The following POLR3F variants were observed in gnomAD, a reference collection of about 807,000 sequenced individuals.
The protein encoded by POLR3F is RNA polymerase III subunit F, also known as DNA-directed RNA polymerase III subunit RPC6.
In POLR3F, 31 loss-of-function variants were observed where a neutral mutation model predicts 43.6. The ratio of observed to expected loss-of-function variants is 0.71; its 90% CI spans 0.53 to 0.96. POLR3F has a LOEUF of 0.96. POLR3F is among the 40% of genes least tolerant of loss of function. The pLI, the probability that POLR3F is intolerant of heterozygous loss-of-function variation, is 0.00. For missense variants in POLR3F, 316 were observed against 391.7 expected (o/e 0.81, Z 1.63); for synonymous variants, 114 against 132.5 (o/e 0.86, Z 0.96).
chr20:18,479,968 A>G, intron 5 of POLR3F, 70 bp from the exon 6 acceptor site: 1 of 1,159,856 alleles, frequency 8.6e-7, no homozygotes, highest in Non-Finnish European at 1.2e-6. Context: ...AACTGTTCCA[A>G]AATATAGGTG....
intron 1 of POLR3F, 139 bp from the exon 2 acceptor site, chr20:18,468,805 C>A: frequency 1.6e-6 from 1 of 610,288 alleles, no homozygotes; most frequent in South Asian, 2.1e-5. Context: ...ATGCTTTGAT[C>A]CAAAACCATC....
At position 18,477,094 on chromosome 20, in the gene POLR3F, AAAC is replaced by A. The variant is rs201902023; in HGVS notation, c.429+1909_429+1911del. ...ATCTCAAAAAAAGAAAAAAAAAAAAAAACACACAATGAAAACAAATAATCCAAC... is the reference window on the plus strand; with the variant it reads ...ATCTCAAAAAAAGAAAAAAAAAAAAAACACAATGAAAACAAATAATCCAAC... On this transcript the variant is annotated intron_variant, in intron 5 of 8. Coordinates refer to ENST00000377603, the MANE Select transcript of POLR3F (RefSeq NM_006466.4). Among the ~76,000 whole-genome samples, 1,024 of 151,938 alleles carry A rather than the reference AAAC, an allele frequency of 6.7e-3. 14 individuals carry two copies. The highest frequency in any genetic ancestry group is 0.023 in the African/African-American group (967 of 41,384).
In POLR3F at chr20:18,483,490, G is replaced by T; in HGVS notation, c.883G>T (p.Asp295Tyr). The change falls in exon 9 of 9, where the codon GAC (aspartate) becomes TAC (tyrosine). Residue 295 changes from aspartate to tyrosine, a missense_variant. Asp to Tyr is a radical substitution (Grantham distance 160). This residue lies in a region of POLR3F where 85 missense variants were observed against 80.2 expected (regional missense o/e 1.06). Coordinates refer to ENST00000377603, the MANE Select transcript of POLR3F (RefSeq NM_006466.4). Reference protein sequence around the residue: ...APCGLCPVFDDCHEGGEISPS... With the variant: ...APCGLCPVFDYCHEGGEISPS... Reference sequence around the variant, plus strand: ...TTTTTCTTTTTTAAAGGTTTTTGATGACTGCCACGAAGGTGGTGAGATTTC... The same window carrying T: ...TTTTTCTTTTTTAAAGGTTTTTGATTACTGCCACGAAGGTGGTGAGATTTC... 6.7e-7 allele frequency: 1 copy of T among 1,503,648 alleles called. No homozygotes were observed. Among genetic ancestry groups the T allele is most frequent in the South Asian group, 1.2e-5 (1 of 80,940 alleles). The allele number at this position is 1,503,648 out of a possible 1,614,324, so 93.1% of individuals were successfully genotyped here.
intron 5 of POLR3F, among the ~76,000 whole-genome samples, chr20:18,479,837 A>G (rs530456676): frequency 5.9e-5 from 9 of 152,326 alleles, no homozygotes; most frequent in African/African-American, 1.4e-4. Flanking sequence ...TGATTTATCA[A>G]TATTAGTTCA....
At chr20:18,477,555 AG>A (rs1380428900) in intron 5 of POLR3F, among the ~76,000 whole-genome samples, 1 of 152,246 alleles carries the variant, frequency 6.6e-6, no homozygotes, top group Non-Finnish European at 1.5e-5. Flanking sequence ...GAAGCAACCA[AG>A]GTATCCTTCA....
chr20:18,481,509 G>C, intron 7 of POLR3F, 110 bp from the exon 8 acceptor site: 2 of 739,780 alleles, frequency 2.7e-6, no homozygotes, highest in Non-Finnish European at 4.7e-6. Context: ...AAAGTGCTGG[G>C]ATTACAGGCG....
chr20:18,475,626 TCCTGCCCCACC>T (rs2059775980), intron 5 of POLR3F, among the ~76,000 whole-genome samples: 1 of 152,158 alleles, frequency 6.6e-6, no homozygotes, highest in Admixed American at 6.5e-5. Context: ...CTGCTCCTCA[TCCTGCCCCACC>T]CCTGCTCCAG....
Position 18,483,740 on chromosome 20 carries a change from C to A in POLR3F, c.*182C>A. ...GACTAAATTTATATTGGTAAAATAGCCAGTAGAATATGAAAGAAATAAGGT... is the reference window on the plus strand; with the variant it reads ...GACTAAATTTATATTGGTAAAATAGACAGTAGAATATGAAAGAAATAAGGT... On this transcript the variant is annotated 3_prime_UTR_variant, in exon 9 of 9. Coordinates refer to ENST00000377603, the MANE Select transcript of POLR3F (RefSeq NM_006466.4). The A allele has an allele frequency of 2.4e-6, 1 of 424,942 alleles. No homozygotes were observed. Among genetic ancestry groups the A allele is most frequent in the South Asian group, 7.1e-5 (1 of 14,122 alleles). 26.3% of individuals were successfully genotyped at this position (424,942 alleles called of 1,614,324 possible). A position where few individuals can be genotyped will look rare whatever the true frequency, so the allele number is the denominator to read the frequency against.
Position 18,475,127 on chromosome 20 carries a change from C to A in POLR3F, c.369C>A (p.Ile123=). 1.3e-6 allele frequency: 2 copies of A among 1,554,276 alleles called. No homozygotes were observed. Among genetic ancestry groups the A allele is most frequent in the South Asian group, 2.2e-5 (2 of 89,598 alleles). ...AAAGTAATTTGCCATTAACAGAAAT[C>A]AACAAAATTCTGAAGAATCTGGAAA... is the stretch of plus-strand genomic sequence containing the variant. ...RYKSNLPLTE[I]NKILKNLESK... The change falls in exon 5 of 9, where the codon ATC becomes ATA. Residue 123 remains isoleucine (I), a synonymous_variant. Transcript: ENST00000377603.
Position 18,469,857 on chromosome 20 carries a change from C to T in POLR3F, c.180+796C>T, listed in dbSNP as rs959109074. Among the ~76,000 whole-genome samples the T allele has an allele frequency of 3.3e-5, 5 of 152,124 alleles. No homozygotes were observed. The South Asian group carries it at 1.0e-3, about 32-fold the overall frequency. On this transcript the variant is annotated intron_variant, in intron 2 of 8. Coordinates refer to ENST00000377603, the MANE Select transcript of POLR3F (RefSeq NM_006466.4). ...GTTGGGCCATTTCCCATAAAATATTCCACCCCCCGATTTTCCTATGAGTTG... is the reference window on the plus strand; with the variant it reads ...GTTGGGCCATTTCCCATAAAATATTTCACCCCCCGATTTTCCTATGAGTTG...
intron 5 of POLR3F, among the ~76,000 whole-genome samples, chr20:18,479,820 T>C (rs1355650653): frequency 6.6e-6 from 1 of 152,150 alleles, no homozygotes; most frequent in African/African-American, 2.4e-5. Flanking sequence ...TGGCATTTAG[T>C]TAGTAATGAT....
chr20:18,468,051 G>A (rs543850115), intron 1 of POLR3F, among the ~76,000 whole-genome samples: 178 of 152,154 alleles, frequency 1.2e-3, no homozygotes, highest in African/African-American at 3.9e-3. Context: ...AGACTTTTAG[G>A]ACACCCAAAG....
At position 18,468,961 on chromosome 20, in the gene POLR3F, AC is replaced by A; in HGVS notation, c.82del (p.Gln28SerfsTer10). On this transcript the variant is annotated frameshift_variant, in exon 2 of 9. Coordinates refer to ENST00000377603, the MANE Select transcript of POLR3F (RefSeq NM_006466.4). LOFTEE classifies it high-confidence loss of function. ...GTTTCTAGGATTATAGAATTATGTC[AC>A]CAGTTCCCTCATGGAATCACAGACC... Reference protein sequence around the residue: ...EIENRIIELCHQFPHGITDQV... With the variant: ...EIENRIIELCXQFPHGITDQV... 1 of 1,530,094 alleles carries A rather than the reference AC, an allele frequency of 6.5e-7. No homozygotes were observed. Among genetic ancestry groups the A allele is most frequent in the Non-Finnish European group, 9.1e-7 (1 of 1,103,224 alleles). 94.8% of individuals were successfully genotyped at this position (1,530,094 alleles called of 1,614,324 possible).
At chr20:18,482,647 G>GT in intron 8 of POLR3F, among the ~76,000 whole-genome samples, 1 of 152,242 alleles carries the variant, frequency 6.6e-6, no homozygotes, top group East Asian at 1.9e-4. Flanking sequence ...CCCAAATATT[G>GT]TAAGTGCCAA....
At chr20:18,476,638 G>T (rs2059782163) in intron 5 of POLR3F, among the ~76,000 whole-genome samples, 1 of 152,150 alleles carries the variant, frequency 6.6e-6, no homozygotes. Flanking sequence ...TCCAATAGTA[G>T]TCTATGAAAG....
At position 18,484,320 on chromosome 20, in the gene POLR3F, T is replaced by C. The variant is rs1435566578; in HGVS notation, c.*762T>C. 3 of 393,128 alleles carry C rather than the reference T, an allele frequency of 7.6e-6. No homozygotes were observed. The highest frequency in any genetic ancestry group is 1.4e-4 in the South Asian group (1 of 6,984). 24.4% of individuals were successfully genotyped at this position (393,128 alleles called of 1,614,324 possible). A position where few individuals can be genotyped will look rare whatever the true frequency, so the allele number is the denominator to read the frequency against. The stretch of plus-strand genomic sequence containing the variant: ...CTTTGTTAGAATTTACCCTAGATTC[T>C]TATTTAATGTCTGCAGTAGACTGAA... On this transcript the variant is annotated 3_prime_UTR_variant, in exon 9 of 9. Coordinates refer to ENST00000377603, the MANE Select transcript of POLR3F (RefSeq NM_006466.4).
At chr20:18,479,984 G>A in intron 5 of POLR3F, 54 bp from the exon 6 acceptor site, 1 of 1,423,570 alleles carries the variant, frequency 7.0e-7, no homozygotes, top group South Asian at 1.3e-5. Context: ...AGGTGTTTTT[G>A]TTTTTGGAAA....
Position 18,473,424 on chromosome 20 carries a change from A to G in POLR3F, c.282A>G (p.Leu94=), listed in dbSNP as rs780942014. 4 of 1,476,994 alleles carry G rather than the reference A, an allele frequency of 2.7e-6. No homozygotes were observed. Among genetic ancestry groups the G allele is most frequent in the African/African-American group, 1.4e-5 (1 of 72,512 alleles). 91.5% of individuals were successfully genotyped at this position (1,476,994 alleles called of 1,614,324 possible). ...AGGGATCCGATAACCAAGAAAAACT[A>G]GTATATCAAATCATAGAGGATGCAG... is the stretch of plus-strand genomic sequence containing the variant. ...KMKGSDNQEK[L]VYQIIEDAGN... is the part of the protein sequence containing the mutation. The change falls in exon 4 of 9, where the codon CTA becomes CTG. Residue 94 remains leucine, a synonymous_variant. Transcript: ENST00000377603.
At position 18,468,942 on chromosome 20, in the gene POLR3F, A is replaced by T. The variant is rs138924583; in HGVS notation, c.63-2A>T. 5.9e-6 allele frequency: 8 copies of T among 1,346,686 alleles called. No homozygotes were observed. The highest frequency in any genetic ancestry group is 8.5e-6 in the Non-Finnish European group (8 of 936,148). 83.4% of individuals were successfully genotyped at this position (1,346,686 alleles called of 1,614,324 possible). On this transcript the variant is annotated splice_acceptor_variant, in intron 1 of 8. Coordinates refer to ENST00000377603, the MANE Select transcript of POLR3F (RefSeq NM_006466.4). LOFTEE classifies it high-confidence loss of function. ...GGATAACATTAATACCTTTGTTTCT[A>T]GGATTATAGAATTATGTCACCAGTT...
Sources: gnomAD v4.1 joint callset for allele counts (sites outside exome capture counted in the v4.1 genomes callset) on GRCh38, gnomAD v4.1.1 for gene constraint, gnomAD v4.1.1 regional missense constraint, MANE v1.5 for transcripts, NCBI Gene and HGNC (gene_info 2026-07-23, HGNC 2026-07-21) for gene names.